MYO7A: variants seen among roughly 807,000 people sequenced by gnomAD.
The protein encoded by MYO7A is unconventional myosin-VIIa.
In MYO7A, 210 loss-of-function variants were observed where a neutral mutation model predicts 263.8. The ratio of observed to expected loss-of-function variants is 0.80; its 90% CI spans 0.71 to 0.89. MYO7A has a LOEUF of 0.89. Among genes scored for constraint, MYO7A ranks in the 40% least tolerant of loss-of-function variants. The pLI is 0.00. For synonymous variants in MYO7A, 1,239 were observed against 1,197.3 expected, an observed-to-expected ratio of 1.03 and a Z score of -0.72; for missense variants, 2,820 against 2,968.3, an observed-to-expected ratio of 0.95 and a Z score of 1.16.
intron 19 of MYO7A, among the ~76,000 whole-genome samples, chr11:77,178,261 A>ATT (rs1565399824): frequency 6.3e-4 from 11 of 17,464 alleles, no homozygotes; most frequent in African/African-American, 1.2e-3. Context: ...ACCCGCCCAC[A>ATT]CACCCACCTA....
At chr11:77,167,962 C>T (rs782678298) in intron 15 of MYO7A, among the ~76,000 whole-genome samples, 1 of 152,268 alleles carries the variant, frequency 6.6e-6, no homozygotes, top group South Asian at 2.1e-4. Flanking sequence ...CCCAGGCACT[C>T]GAAGCACTGG....
intron 11 of MYO7A, among the ~76,000 whole-genome samples, chr11:77,160,719 C>G (rs1690839735): frequency 6.6e-6 from 1 of 152,136 alleles, no homozygotes; most frequent in Non-Finnish European, 1.5e-5. Context: ...GGCTCCTTCC[C>G]CTGCTGCATG....
intron 1 of MYO7A, 59 bp from the exon 2 acceptor site, chr11:77,130,530 G>A: frequency 7.1e-7 from 1 of 1,408,366 alleles, no homozygotes; most frequent in Non-Finnish European, 9.8e-7. Context: ...ACCCCAGCCA[G>A]GCTCAAGGCT....
In MYO7A at chr11:77,194,512, C is replaced by T. The variant is rs775953106; in HGVS notation, c.4311C>T (p.Ala1437=). ...TLEKWAQLAI[A]AHKKGIYAQR... ...AGAAGTGGGCCCAGCTGGCCATCGC[C>T]GCCCACAAGAAGGTAGAAGGGCTGA... The change falls in exon 32 of 49, where the codon GCC becomes GCT. Residue 1437 remains alanine, a synonymous_variant. Transcript: ENST00000409709. 15 of 1,600,282 alleles carry T rather than the reference C, an allele frequency of 9.4e-6. No individual in the cohort carries two copies. The highest frequency in any genetic ancestry group is 4.5e-5 in the East Asian group (2 of 44,214).
intron 15 of MYO7A, among the ~76,000 whole-genome samples, chr11:77,171,326 C>T (rs1555075838): frequency 6.6e-6 from 1 of 152,148 alleles, no homozygotes; most frequent in African/African-American, 2.4e-5. Flanking sequence ...CCAACTTGGA[C>T]AGCTCCCCTC....
intron 47 of MYO7A, 118 bp from the exon 48 acceptor site, chr11:77,213,742 C>G: frequency 1.4e-6 from 2 of 1,458,318 alleles, no homozygotes; most frequent in Non-Finnish European, 1.9e-6. Context: ...GCAGAGCTGG[C>G]TTTTCCCTCC....
At chr11:77,173,039 T>G (rs1171714017) in intron 16 of MYO7A, among the ~76,000 whole-genome samples, 154 bp downstream of exon 16, 1 of 152,170 alleles carries the variant, frequency 6.6e-6, no homozygotes, top group Non-Finnish European at 1.5e-5. Context: ...AGGCCCCCTA[T>G]TTATTGGAGG....
chr11:77,169,011 A>G (rs182072065), intron 15 of MYO7A, among the ~76,000 whole-genome samples: 12 of 152,370 alleles, frequency 7.9e-5, no homozygotes, highest in Admixed American at 5.2e-4. Flanking sequence ...CTGTCTCCAT[A>G]AACGTCACAT....
At chr11:77,205,376 T>G in intron 39 of MYO7A, 86 bp from the exon 40 acceptor site, 1 of 1,434,152 alleles carries the variant, frequency 7.0e-7, no homozygotes, top group Non-Finnish European at 9.4e-7. Context: ...AGCTGAGGGG[T>G]ACATGGCCCC....
intron 2 of MYO7A, among the ~76,000 whole-genome samples, chr11:77,135,969 G>A (rs1950892500): frequency 6.6e-6 from 1 of 152,168 alleles, no homozygotes; most frequent in African/African-American, 2.4e-5. Flanking sequence ...CCAGGCTGGT[G>A]TACAGTAGTG....
chr11:77,145,283 A>G (rs1951485098), intron 3 of MYO7A, among the ~76,000 whole-genome samples: 1 of 152,246 alleles, frequency 6.6e-6, no homozygotes, highest in Non-Finnish European at 1.5e-5. Flanking sequence ...GAAAGCTGTC[A>G]ACAAAGATGG....
chr11:77,205,437 C>G, intron 39 of MYO7A, 25 bp from the exon 40 acceptor site: 1 of 1,549,496 alleles, frequency 6.5e-7, no homozygotes, highest in Middle Eastern at 1.7e-4. Flanking sequence ...GCTGCCCCTG[C>G]TGGAGCCCAC....
Position 77,161,997 on chromosome 11 carries a change from A to T in MYO7A, c.1344-123A>T, listed in dbSNP as rs568771887. On this transcript the variant is annotated intron_variant, in intron 12 of 48. Coordinates refer to ENST00000409709, the MANE Select transcript of MYO7A (RefSeq NM_000260.4). ...GACTTGACAATTCCCCTCGCCTCTG[A>T]GTTTGGAGTCCATGATGGGGATAGC... The T allele has an allele frequency of 2.4e-5, 21 of 890,158 alleles. No homozygotes were observed. The East Asian group carries it at 2.7e-4, about 11-fold the overall frequency. The allele number at this position is 890,158 out of a possible 1,614,324, so 55.1% of individuals were successfully genotyped here.
At chr11:77,160,912 G>T in intron 11 of MYO7A, 61 bp from the exon 12 acceptor site, 1 of 1,557,372 alleles carries the variant, frequency 6.4e-7, no homozygotes, top group Non-Finnish European at 8.7e-7. Flanking sequence ...GGGTCCAGGA[G>T]CCTGGCCTGT....
In MYO7A at chr11:77,134,897, G is replaced by A. The variant is rs569715424; in HGVS notation, c.18+4245G>A. ...CCTCCCAGGTTTAAGTGATTCTCCT[G>A]CCTCAGCCTCCTGAGTACCTGGGAT... On this transcript the variant is annotated intron_variant, in intron 2 of 48. Coordinates refer to ENST00000409709, the MANE Select transcript of MYO7A (RefSeq NM_000260.4). Among the ~76,000 whole-genome samples the A allele has an allele frequency of 6.0e-5, 9 of 149,292 alleles. No homozygotes were observed. In the South Asian group the frequency reaches 1.7e-3, roughly 28 times the overall value.
At chr11:77,207,243 C>G in intron 41 of MYO7A, 46 bp from the exon 42 acceptor site, 1 of 1,423,852 alleles carries the variant, frequency 7.0e-7, no homozygotes, top group Non-Finnish European at 9.7e-7. Flanking sequence ...AGGACCAGGT[C>G]CCGGGAAAGG....
Position 77,214,590 on chromosome 11 carries a change from C to A in MYO7A, c.6559-17C>A. The A allele has an allele frequency of 6.5e-7, 1 of 1,538,796 alleles. No homozygotes were observed. The highest frequency in any genetic ancestry group is 8.8e-7 in the Non-Finnish European group (1 of 1,131,660). ...GTCCCACCGTGTGCTCGCTTATCTT[C>A]TCACCCCTGCTTCCAGGGCTACAAG... On this transcript the variant is annotated splice_polypyrimidine_tract_variant and intron_variant, in intron 48 of 48. Coordinates refer to ENST00000409709, the MANE Select transcript of MYO7A (RefSeq NM_000260.4).
intron 15 of MYO7A, among the ~76,000 whole-genome samples, chr11:77,167,573 C>T (rs1041024197): frequency 6.6e-6 from 1 of 152,114 alleles, no homozygotes; most frequent in African/African-American, 2.4e-5. Flanking sequence ...TGGTTCAGGC[C>T]GTGGCTCCCA....
intron 4 of MYO7A, among the ~76,000 whole-genome samples, chr11:77,153,452 G>A (rs1301279804): frequency 6.6e-6 from 1 of 152,140 alleles, no homozygotes; most frequent in East Asian, 1.9e-4. Context: ...CCTCTGGGCT[G>A]TGGGCAGAGT....
Sources: gnomAD v4.1 joint callset for allele counts (sites outside exome capture counted in the v4.1 genomes callset) on GRCh38, gnomAD v4.1.1 for gene constraint, MANE v1.5 for transcripts, NCBI Gene and HGNC (gene_info 2026-07-23, HGNC 2026-07-21) for gene names.